The following DAAM1 variants were observed in gnomAD, a reference collection of about 807,000 sequenced individuals.
DAAM1 encodes disheveled-associated activator of morphogenesis 1.
DAAM1 carries 52 observed loss-of-function variants against 130.0 expected under a neutral mutation model. The observed-to-expected ratio is 0.40, with a 90% CI of 0.32 to 0.50. The LOEUF (loss-of-function observed/expected upper bound fraction) is 0.50, where lower values mean the gene tolerates loss of function less well. DAAM1 is among the 20% of genes least tolerant of loss of function. The pLI, the probability that DAAM1 is intolerant of heterozygous loss-of-function variation, is 0.61. For synonymous variants in DAAM1, 452 were observed against 444.5 expected, an observed-to-expected ratio of 1.02 and a Z score of -0.21; for missense variants, 1,134 against 1,303.8, an observed-to-expected ratio of 0.87 and a Z score of 2.01.
At chr14:59,275,447 T>A (rs1027435191) in intron 2 of DAAM1, among the ~76,000 whole-genome samples, 2 of 152,090 alleles carry the variant, frequency 1.3e-5, no homozygotes, top group East Asian at 1.9e-4. Flanking sequence ...AAAAAAAAAA[T>A]TTATCTAGTA....
chr14:59,323,355 T>A, intron 6 of DAAM1, 130 bp downstream of exon 6: 1 of 973,502 alleles, frequency 1.0e-6, no homozygotes, highest in Non-Finnish European at 1.5e-6. Context: ...AGTGTGACTT[T>A]AAACATTCCC....
At chr14:59,213,468 G>A (rs1323579903) in intron 1 of DAAM1, among the ~76,000 whole-genome samples, 2 of 151,690 alleles carry the variant, frequency 1.3e-5, no homozygotes, top group Non-Finnish European at 2.9e-5. Flanking sequence ...TAATGTTGAA[G>A]CCAGGTTGAG....
chr14:59,209,298 C>T (rs1415863545), intron 1 of DAAM1, among the ~76,000 whole-genome samples: 1 of 152,174 alleles, frequency 6.6e-6, no homozygotes, highest in Non-Finnish European at 1.5e-5. Flanking sequence ...TTCTTCAGTT[C>T]ACAGTACAAG....
chr14:59,321,638 A>G (rs1885013546), intron 5 of DAAM1, among the ~76,000 whole-genome samples: 1 of 152,234 alleles, frequency 6.6e-6, no homozygotes, highest in South Asian at 2.1e-4. Flanking sequence ...GAATGAAGCC[A>G]ACTGGTTTAA....
In DAAM1 at chr14:59,369,064, G is replaced by A. The variant is rs765220330; in HGVS notation, c.*205G>A. ...CTGAGTGTTGTCTGGAGACCTATACGTATGGTTAAAAAGATTTATGTTAAT... is the reference window on the plus strand; with the variant it reads ...CTGAGTGTTGTCTGGAGACCTATACATATGGTTAAAAAGATTTATGTTAAT... On this transcript the variant is annotated 3_prime_UTR_variant, in exon 25 of 25. Transcript: ENST00000360909. The A allele has an allele frequency of 4.9e-5, 26 of 527,550 alleles. No homozygotes were observed. The highest frequency in any genetic ancestry group is 5.1e-5 in the South Asian group (2 of 39,244). The allele number at this position is 527,550 out of a possible 1,614,324, so 32.7% of individuals were successfully genotyped here.
chr14:59,263,590 T>C lies in DAAM1; in HGVS notation c.113T>C (p.Leu38Pro), dbSNP rs1319522334. 1 of 1,614,112 alleles carries C rather than the reference T, an allele frequency of 6.2e-7. No homozygotes were observed. The highest frequency in any genetic ancestry group is 1.3e-5 in the African/African-American group (1 of 74,934). The change falls in exon 2 of 25, where the codon CTT becomes CCT. Residue 38 changes from leucine (L) to proline (P), a missense_variant. Leu to Pro is a moderately conservative substitution (Grantham distance 98, BLOSUM62 -3). Transcript: ENST00000360909. The stretch of plus-strand genomic sequence containing the variant: ...CTGCGAAATGATAGCAACTTTGCGC[T>C]TCAGACCATGGAACCAGCATTGCCC... ...YRLRNDSNFA[L>P]QTMEPALPMP... is the part of the protein sequence containing the mutation.
intron 21 of DAAM1, 113 bp downstream of exon 21, chr14:59,359,617 T>C (rs2139681354): frequency 1.4e-6 from 1 of 711,092 alleles, no homozygotes; most frequent in South Asian, 2.1e-5. Flanking sequence ...CCCTGATCAT[T>C]GTATGAAATA....
intron 1 of DAAM1, among the ~76,000 whole-genome samples, chr14:59,197,182 A>C (rs555629424): frequency 4.3e-4 from 66 of 152,314 alleles, no homozygotes; most frequent in African/African-American, 1.6e-3. Flanking sequence ...AGCCTCCCAA[A>C]GTGCTGGGAT....
chr14:59,188,989 G>C (rs1887640210), intron 1 of DAAM1, among the ~76,000 whole-genome samples: 1 of 152,228 alleles, frequency 6.6e-6, no homozygotes, highest in Non-Finnish European at 1.5e-5. Flanking sequence ...TGCCTAGCTG[G>C]GGGTGGGAAA....
chr14:59,235,180 CTCCT>C (rs1433510918), intron 1 of DAAM1, among the ~76,000 whole-genome samples: 1 of 152,086 alleles, frequency 6.6e-6, no homozygotes, highest in Non-Finnish European at 1.5e-5. Context: ...GGAGGAGTCT[CTCCT>C]TTTGAGTTGT....
chr14:59,322,929 T>C lies in DAAM1; in HGVS notation c.478T>C (p.Cys160Arg), dbSNP rs770572293. 9 of 1,613,926 alleles carry C rather than the reference T, an allele frequency of 5.6e-6. No individual in the cohort carries two copies. Among genetic ancestry groups the C allele is most frequent in the Non-Finnish European group, 6.8e-6 (8 of 1,179,832 alleles). Residue 160 changes from cysteine (C) to arginine (R), a missense_variant, in exon 6 of 25, where the codon TGT (cysteine) becomes CGT (arginine). Cys to Arg is a radical substitution (Grantham distance 180). Around this residue, in one of 3 missense-constraint regions of DAAM1, gnomAD observed 391 missense variants for 521.6 expected, o/e 0.75. Coordinates refer to ENST00000360909, the MANE Select transcript of DAAM1 (RefSeq NM_001270520.2). ...ATTCATCGACTTGGATGGCCTATCA[T>C]GTATCCTCAACTTTCTAAAGACCAT... ...TRFIDLDGLS[C>R]ILNFLKTMDY...
chr14:59,276,605 G>A (rs541508905), intron 2 of DAAM1, among the ~76,000 whole-genome samples: 14 of 152,310 alleles, frequency 9.2e-5, no homozygotes, highest in Admixed American at 7.2e-4. Context: ...ACCCTTTCTG[G>A]GTGGAGTTAG....
Position 59,283,984 on chromosome 14 carries a change from G to A in DAAM1, c.184-7233G>A, listed in dbSNP as rs536353020. On this transcript the variant is annotated intron_variant, in intron 2 of 24. Coordinates refer to ENST00000360909, the MANE Select transcript of DAAM1 (RefSeq NM_001270520.2). ...GCAGTGGTTCTAAAATGTGGTCTTA[G>A]GACCAGCAGCAACACCTGGGAACTT... Among the ~76,000 whole-genome samples the A allele has an allele frequency of 1.3e-3, 194 of 152,270 alleles. 4 individuals are homozygous for A. The highest frequency in any genetic ancestry group is 7.9e-4 in the Admixed American group (12 of 15,286).
intron 2 of DAAM1, among the ~76,000 whole-genome samples, chr14:59,281,634 T>C (rs954440525): frequency 6.6e-6 from 1 of 152,112 alleles, no homozygotes; most frequent in African/African-American, 2.4e-5. Flanking sequence ...TTGGAAAGAA[T>C]GGGAACCTGT....
rs531782227 is a variant in DAAM1, at chr14:59,370,763, T to A, written c.*1904T>A. ...GATAGAGACTTGGCTCAAAAAGGCT[T>A]GGAGATGAGGAAGATTGGAATATAA... is the stretch of plus-strand genomic sequence containing the variant. On this transcript the variant is annotated 3_prime_UTR_variant, in exon 25 of 25. Transcript: ENST00000360909. 7.9e-5 allele frequency: 12 copies of A among 152,232 alleles called. 1 individual carries two copies. The East Asian group carries it at 2.1e-3, about 27-fold the overall frequency. The allele number at this position is 152,232 out of a possible 1,614,324, so 9.4% of individuals were successfully genotyped here.
intron 15 of DAAM1, among the ~76,000 whole-genome samples, chr14:59,332,968 C>G (rs1461267678): frequency 6.6e-6 from 1 of 152,030 alleles, no homozygotes; most frequent in Non-Finnish European, 1.5e-5. Context: ...AGCAGACTTC[C>G]TAGTTGGTTT....
intron 20 of DAAM1, 95 bp from the exon 21 acceptor site, chr14:59,359,302 T>C: frequency 1.1e-6 from 1 of 946,524 alleles, no homozygotes; most frequent in Non-Finnish European, 1.6e-6. Flanking sequence ...CATTTGAGCA[T>C]ATAAATCATA....
At chr14:59,290,484 G>A (rs1365350690) in intron 2 of DAAM1, among the ~76,000 whole-genome samples, 1 of 152,176 alleles carries the variant, frequency 6.6e-6, no homozygotes, top group African/African-American at 2.4e-5. Flanking sequence ...ACCACTTGGG[G>A]TTGTTGTGAG....
intron 1 of DAAM1, among the ~76,000 whole-genome samples, chr14:59,257,975 T>C (rs1007088653): frequency 6.6e-6 from 1 of 152,200 alleles, no homozygotes; most frequent in East Asian, 1.9e-4. Flanking sequence ...CTGAAGGACC[T>C]GCCCTCCCAC....
Sources: allele counts gnomAD v4.1 joint callset (sites outside exome capture counted in the v4.1 genomes callset), GRCh38; gene constraint gnomAD v4.1.1; regional missense constraint gnomAD v4.1.1; transcripts MANE v1.5; gene names NCBI Gene and HGNC (gene_info 2026-07-23, HGNC 2026-07-21).